The following TMEM156 variants were observed in gnomAD, a reference collection of about 807,000 sequenced individuals.
TMEM156 encodes the protein transmembrane protein 156.
TMEM156 carries 28 observed loss-of-function variants against 30.5 expected under a neutral mutation model. The observed-to-expected ratio is 0.92, with a 90% confidence interval of 0.68 to 1.26. TMEM156 has a LOEUF of 1.26. Ranked by LOEUF, TMEM156 falls within the 50% of genes most tolerant of loss-of-function variation. The pLI is 0.00. For synonymous variants in TMEM156, 137 were observed against 119.9 expected, an observed-to-expected ratio of 1.14 and a Z score of -0.93; for missense variants, 351 against 340.6, an observed-to-expected ratio of 1.03 and a Z score of -0.24.
intron 1 of TMEM156, among the ~76,000 whole-genome samples, chr4:39,019,893 A>G (rs1714749268): frequency 6.6e-6 from 1 of 152,172 alleles, no homozygotes. Flanking sequence ...ATAGATCTCC[A>G]GAACTTATTC....
rs1560367278 is a variant in TMEM156, at chr4:38,992,764, T to TATATATATATATATA, written c.619+973_619+974insTATATATATATATAT. Among the ~76,000 whole-genome samples, 3 of 79,636 alleles carry TATATATATATATATA rather than the reference T, an allele frequency of 3.8e-5. No individual in the cohort carries two copies. In the Admixed American group the frequency reaches 5.2e-4, roughly 14 times the overall value. The allele number at this position is 79,636 out of a possible 152,430, so 52.2% of individuals were successfully genotyped here. A position where few individuals can be genotyped will look rare whatever the true frequency, so the allele number is the denominator to read the frequency against. On this transcript the variant is annotated intron_variant, in intron 3 of 6. Coordinates refer to ENST00000381938, the MANE Select transcript of TMEM156 (RefSeq NM_024943.3). ...TATAATATATTATATATATATATATTTTTTTTTGTCTTTTCAAGACAGAGT... is the reference window on the plus strand; with the variant it reads ...TATAATATATTATATATATATATATTATATATATATATATATTTTTTTGTCTTTTCAAGACAGAGT...
intron 1 of TMEM156, among the ~76,000 whole-genome samples, chr4:39,006,619 T>C (rs1221807480): frequency 6.6e-6 from 1 of 152,078 alleles, no homozygotes; most frequent in African/African-American, 2.4e-5. Flanking sequence ...ACATTTCATT[T>C]CTTAATATAC....
chr4:38,991,752 A>AAATAT (rs1712481177), intron 3 of TMEM156, among the ~76,000 whole-genome samples: 1 of 152,198 alleles, frequency 6.6e-6, no homozygotes, highest in South Asian at 2.1e-4. Flanking sequence ...TATAAAATAC[A>AAATAT]GTTAGGTGGA....
intron 1 of TMEM156, among the ~76,000 whole-genome samples, chr4:39,031,905 A>AAAAAC (rs60499521): frequency 4.6e-5 from 6 of 129,256 alleles, no homozygotes; most frequent in East Asian, 2.3e-4. Flanking sequence ...AAATAAAAAA[A>AAAAAC]TAAAAAAAAA....
intron 1 of TMEM156, among the ~76,000 whole-genome samples, chr4:39,031,886 A>T (rs1285068091): frequency 6.8e-5 from 7 of 103,166 alleles, no homozygotes; most frequent in Non-Finnish European, 1.1e-4. Flanking sequence ...CTCAAAAAAA[A>T]AAAATAAAAA....
chr4:39,020,633 C>A (rs1215219835), intron 1 of TMEM156, among the ~76,000 whole-genome samples: 1 of 152,100 alleles, frequency 6.6e-6, no homozygotes, highest in Non-Finnish European at 1.5e-5. Context: ...CTCACTGCAA[C>A]CTCCACCTCC....
rs112766367 is a variant in TMEM156, at chr4:39,027,758, C to CTTTT, written c.88+4464_88+4467dup. 1.7e-4 allele frequency among the ~76,000 whole-genome samples: 20 copies of CTTTT among 120,764 alleles called. No individual in the cohort carries two copies. In the East Asian group the frequency reaches 2.5e-3, roughly 15 times the overall value. 79.2% of individuals were successfully genotyped at this position (120,764 alleles called of 152,430 possible). A position where few individuals can be genotyped will look rare whatever the true frequency, so the allele number is the denominator to read the frequency against. ...TTTTCTTTCTGTCTTTTTTCTTTTT[C>CTTTT]TTTTTTTTTTTTTTTTGAGAAGAAG... On this transcript the variant is annotated intron_variant, in intron 1 of 6. Transcript: ENST00000381938.
chr4:38,997,542 A>G (rs140800146), intron 2 of TMEM156, among the ~76,000 whole-genome samples: 152 of 152,382 alleles, frequency 1.0e-3, no homozygotes, highest in African/African-American at 3.6e-3. Context: ...TGCCAAAAAA[A>G]TAAATTTCAG....
chr4:39,000,656 G>A (rs1216219952), intron 1 of TMEM156, among the ~76,000 whole-genome samples: 1 of 152,144 alleles, frequency 6.6e-6, no homozygotes, highest in Non-Finnish European at 1.5e-5. Flanking sequence ...GGAGGCTGAG[G>A]CAGTTGGATC....
chr4:39,019,099 G>T (rs1442334141), intron 1 of TMEM156, among the ~76,000 whole-genome samples: 1 of 150,276 alleles, frequency 6.7e-6, no homozygotes, highest in Non-Finnish European at 1.5e-5. Flanking sequence ...TATTTTGCTT[G>T]GGATTTGTGG....
rs538370183 is a variant in TMEM156, at chr4:39,013,135, T to TA, written c.89-14227dup. Among the ~76,000 whole-genome samples, 65 of 150,606 alleles carry TA rather than the reference T, an allele frequency of 4.3e-4. No individual in the cohort carries two copies. In the South Asian group the frequency reaches 8.0e-3, roughly 18 times the overall value. On this transcript the variant is annotated intron_variant, in intron 1 of 6. Transcript: ENST00000381938. Reference sequence around the variant, plus strand: ...GTAACAAAGTGAGACCTCGTCTCTATAAAAAAAATACAAAAATCAGCCGGG... The same window carrying TA: ...GTAACAAAGTGAGACCTCGTCTCTATAAAAAAAAATACAAAAATCAGCCGGG...
intron 5 of TMEM156, among the ~76,000 whole-genome samples, chr4:38,972,548 G>A (rs952820163): frequency 1.3e-4 from 20 of 151,236 alleles, no homozygotes; most frequent in Admixed American, 9.9e-4. Context: ...ACCATTCCCT[G>A]CCTCTTTCTT....
chr4:39,030,313 C>T (rs1370787444), intron 1 of TMEM156, among the ~76,000 whole-genome samples: 5 of 152,004 alleles, frequency 3.3e-5, no homozygotes, highest in Admixed American at 3.3e-4. Context: ...CTGATATAAC[C>T]AGTTTTGAAA....
chr4:38,981,720 G>A (rs1478161527), intron 5 of TMEM156, among the ~76,000 whole-genome samples: 1 of 152,140 alleles, frequency 6.6e-6, no homozygotes, highest in Admixed American at 6.6e-5. Context: ...GAAATCAAAT[G>A]AAATGATGTG....
At position 38,990,830 on chromosome 4, in the gene TMEM156, G is replaced by GTTTCTTT. The variant is rs1553878600; in HGVS notation, c.620-1861_620-1860insAAAGAAA. Among the ~76,000 whole-genome samples the GTTTCTTT allele has an allele frequency of 2.8e-4, 23 of 81,224 alleles. 2 individuals are homozygous for GTTTCTTT. Among genetic ancestry groups the GTTTCTTT allele is most frequent in the Admixed American group, 7.3e-4 (5 of 6,886 alleles). 53.3% of individuals were successfully genotyped at this position (81,224 alleles called of 152,430 possible). A position where few individuals can be genotyped will look rare whatever the true frequency, so the allele number is the denominator to read the frequency against. On this transcript the variant is annotated intron_variant, in intron 3 of 6. Transcript: ENST00000381938. The stretch of plus-strand genomic sequence containing the variant: ...CTTTGTTTTTTTGGTTTGTTTTCTG[G>GTTTCTTT]TTTTTTTTTTTTTTTTTTTTTTTGA...
At chr4:38,975,121 TA>T (rs997599222) in intron 5 of TMEM156, among the ~76,000 whole-genome samples, 3 of 152,154 alleles carry the variant, frequency 2.0e-5, no homozygotes, top group African/African-American at 7.2e-5. Flanking sequence ...TTTAGACTTC[TA>T]AAGGGTAAAT....
At chr4:38,977,335 T>C (rs954106628) in intron 5 of TMEM156, among the ~76,000 whole-genome samples, 1 of 152,220 alleles carries the variant, frequency 6.6e-6, no homozygotes, top group Non-Finnish European at 1.5e-5. Flanking sequence ...TTTGCTGGTG[T>C]TTATAGCATA....
intron 2 of TMEM156, among the ~76,000 whole-genome samples, chr4:38,994,551 C>T (rs538525381): frequency 6.6e-6 from 1 of 152,164 alleles, no homozygotes; most frequent in Non-Finnish European, 1.5e-5. Context: ...GTGGGACAGA[C>T]TGTATTGTGT....
At position 38,986,244 on chromosome 4, in the gene TMEM156, T is replaced by C. The variant is rs561897717; in HGVS notation, c.823+92A>G. 19 of 877,462 alleles carry C rather than the reference T, an allele frequency of 2.2e-5. No individual in the cohort carries two copies. The African/African-American group carries it at 3.0e-4, about 14-fold the overall frequency. The allele number at this position is 877,462 out of a possible 1,614,324, so 54.4% of individuals were successfully genotyped here. ...AGATACAAGGCTAATTTACATAAGC[T>C]CAGATCTCAGATCTTGAGTTTACTG... On this transcript the variant is annotated intron_variant, in intron 5 of 6. Coordinates refer to ENST00000381938, the MANE Select transcript of TMEM156 (RefSeq NM_024943.3).
Sources: gnomAD v4.1 joint callset for allele counts (sites outside exome capture counted in the v4.1 genomes callset) on GRCh38, gnomAD v4.1.1 for gene constraint, MANE v1.5 for transcripts, NCBI Gene and HGNC (gene_info 2026-07-23, HGNC 2026-07-21) for gene names.